Variants in DNAH2 observed in about 807,000 individuals in gnomAD.
DNAH2 encodes dynein axonemal heavy chain 2.
DNAH2 carries 323 observed loss-of-function variants against 523.5 expected under a neutral mutation model. The ratio of observed to expected loss-of-function variants is 0.62; its 90% confidence interval spans 0.56 to 0.68. The LOEUF (loss-of-function observed/expected upper bound fraction) is 0.68, where lower values mean the gene tolerates loss of function less well. Ranked by LOEUF, DNAH2 falls within the 30% of genes least tolerant of loss-of-function variation. DNAH2 has a pLI of 0.00. For missense variants in DNAH2, 4,907 were observed against 5,701.5 expected, an observed-to-expected ratio of 0.86 and a Z score of 4.49; for synonymous variants, 2,093 against 2,177.4, an observed-to-expected ratio of 0.96 and a Z score of 1.08.
rs1449776842 is a variant in DNAH2 at position 7,740,278 on chromosome 17, G to A, written c.1377-142G>A. ...CACAGCATTGTTTTGAGGATTAAATGGATTCATGTAGGTAAAGTACTTGGA... is the reference window on the plus strand; with the variant it reads ...CACAGCATTGTTTTGAGGATTAAATAGATTCATGTAGGTAAAGTACTTGGA... On this transcript the variant is annotated intron_variant, in intron 9 of 85. Coordinates refer to ENST00000572933, the MANE Select transcript of DNAH2 (RefSeq NM_020877.5). The A allele has an allele frequency of 7.8e-6, 10 of 1,274,836 alleles. No individual in the cohort carries two copies. In the Admixed American group the frequency reaches 1.1e-4, roughly 14 times the overall value. The allele number at this position is 1,274,836 out of a possible 1,614,324, so 79.0% of individuals were successfully genotyped here.
chr17:7,800,042 G>A (rs945980919), intron 56 of DNAH2, among the ~76,000 whole-genome samples: 5 of 152,090 alleles, frequency 3.3e-5, no homozygotes, highest in Non-Finnish European at 5.9e-5. Context: ...GAACCATGCC[G>A]CACTTGTCTT....
At position 7,817,589 on chromosome 17, in the gene DNAH2, C is replaced by T. The variant is rs146755316; in HGVS notation, c.10049C>T (p.Pro3350Leu). Residue 3350 changes from proline to leucine, a missense_variant, in exon 66 of 86, where the codon CCT (proline) becomes CTT (leucine). Coordinates refer to ENST00000572933, the MANE Select transcript of DNAH2 (RefSeq NM_020877.5). ...KIWELQVPCSPSFAIDNFLCN... is the reference protein window; with the variant it reads ...KIWELQVPCSLSFAIDNFLCN... Reference sequence around the variant, plus strand: ...TGGGAGCTTCAGGTTCCTTGCTCCCCTTCTTTCGCCATCGATAACTTCCTG... The same window carrying T: ...TGGGAGCTTCAGGTTCCTTGCTCCCTTTCTTTCGCCATCGATAACTTCCTG... The T allele has an allele frequency of 5.6e-6, 9 of 1,614,070 alleles. No homozygotes were observed. The African/African-American group carries it at 8.0e-5, about 14-fold the overall frequency.
intron 24 of DNAH2, among the ~76,000 whole-genome samples, chr17:7,768,469 T>A (rs1222895330): frequency 6.6e-6 from 1 of 152,242 alleles, no homozygotes; most frequent in East Asian, 1.9e-4. Flanking sequence ...GTGTACAGCA[T>A]AATGTTTTGA....
chr17:7,796,339 G>A (rs1382815548), intron 49 of DNAH2, 125 bp from the exon 50 acceptor site: 18 of 1,080,114 alleles, frequency 1.7e-5, no homozygotes, highest in East Asian at 5.4e-5. Flanking sequence ...ATGAGCCACC[G>A]TGCCCGGCCC....
At chr17:7,788,368 AG>A in intron 44 of DNAH2, 124 bp downstream of exon 44, 2 of 1,232,250 alleles carry the variant, frequency 1.6e-6, no homozygotes, top group South Asian at 1.6e-5. Context: ...CAGAGACTCC[AG>A]GGGGAGGCTT....
At chr17:7,733,613 G>T (rs2075056663) in intron 5 of DNAH2, among the ~76,000 whole-genome samples, 1 of 151,806 alleles carries the variant, frequency 6.6e-6, no homozygotes, top group South Asian at 2.1e-4. Flanking sequence ...GAGTAGCTGG[G>T]ATTACAGGCA....
intron 63 of DNAH2, among the ~76,000 whole-genome samples, chr17:7,810,067 CTTT>C (rs578080579): frequency 3.9e-5 from 5 of 127,286 alleles, no homozygotes; most frequent in Non-Finnish European, 6.7e-5. Context: ...TCTTTTTTTT[CTTT>C]TTTTTTTTTT....
rs750442162 is a variant in DNAH2, at chr17:7,804,349, A to G, written c.9066A>G (p.Gln3022=). ...FKIDETREKV[Q]VMSLELEDAK... ...TCGACGAAACTAGGGAAAAGGTGCA[A>G]GTGATGTCGTTGGAGCTGGAGGATG... The change falls in exon 59 of 86, where the codon CAA becomes CAG. Residue 3022 remains glutamine (Q), a synonymous_variant. Transcript: ENST00000572933. 6.2e-7 allele frequency: 1 copy of G among 1,614,048 alleles called. No individual in the cohort carries two copies. The highest frequency in any genetic ancestry group is 8.5e-7 in the Non-Finnish European group (1 of 1,180,048).
Position 7,798,960 on chromosome 17 carries a change from GGGTGCTGAAGTGGGAGGAT to G in DNAH2, c.8560-139_8560-121del. ...GTAGTTCCAGCTACTCGGGGGTGGG[GGGTGCTGAAGTGGGAGGAT>G]GGTTTGAGGCCAGGAGTTCAAGTCC... On this transcript the variant is annotated intron_variant, in intron 55 of 85. Transcript: ENST00000572933. This position sits in a 1 kb window ranked among gnomAD's most constrained non-coding sequence, Gnocchi z 5.5. 1 of 1,234,616 alleles carries G rather than the reference GGGTGCTGAAGTGGGAGGAT, an allele frequency of 8.1e-7. No individual in the cohort carries two copies. Among genetic ancestry groups the G allele is most frequent in the East Asian group, 2.5e-5 (1 of 39,374 alleles). 76.5% of individuals were successfully genotyped at this position (1,234,616 alleles called of 1,614,324 possible). A position where few individuals can be genotyped will look rare whatever the true frequency, so the allele number is the denominator to read the frequency against.
At chr17:7,767,816 G>T in intron 22 of DNAH2, 84 bp from the exon 23 acceptor site, 1 of 1,569,342 alleles carries the variant, frequency 6.4e-7, no homozygotes. Flanking sequence ...GCTTCACAGA[G>T]CGAGAGCAGC....
intron 58 of DNAH2, among the ~76,000 whole-genome samples, chr17:7,803,291 G>T (rs1333751925): frequency 6.6e-6 from 1 of 152,138 alleles, no homozygotes; most frequent in Non-Finnish European, 1.5e-5. Flanking sequence ...CCCCTTGTCA[G>T]GTTCAGTTAA....
chr17:7,734,104 C>A, intron 5 of DNAH2, 79 bp from the exon 6 acceptor site: 1 of 1,257,614 alleles, frequency 8.0e-7, no homozygotes, highest in Admixed American at 2.3e-5. Flanking sequence ...GGTCCCCTAC[C>A]GATCATCAAC....
chr17:7,793,525 T>C (rs1463534100), intron 48 of DNAH2, among the ~76,000 whole-genome samples: 17 of 114,222 alleles, frequency 1.5e-4, no homozygotes, highest in Admixed American at 6.2e-4. Flanking sequence ...CTTCTCTTTC[T>C]CTTTCTTTCT....
Position 7,798,025 on chromosome 17 carries a change from G to A in DNAH2, c.8231-132G>A. The A allele has an allele frequency of 7.2e-7, 1 of 1,389,558 alleles. No homozygotes were observed. Among genetic ancestry groups the A allele is most frequent in the Non-Finnish European group, 9.7e-7 (1 of 1,032,242 alleles). The allele number at this position is 1,389,558 out of a possible 1,614,324, so 86.1% of individuals were successfully genotyped here. A position where few individuals can be genotyped will look rare whatever the true frequency, so the allele number is the denominator to read the frequency against. Reference sequence around the variant, plus strand: ...AAGTTGAATTGCCTCCTGGGCCTTGGGCACCAACTTCTTCTCATACCTCTT... The same window carrying A: ...AAGTTGAATTGCCTCCTGGGCCTTGAGCACCAACTTCTTCTCATACCTCTT... On this transcript the variant is annotated intron_variant, in intron 53 of 85. Transcript: ENST00000572933. This position sits in a 1 kb window ranked among gnomAD's most constrained non-coding sequence, Gnocchi z 5.5.
intron 48 of DNAH2, among the ~76,000 whole-genome samples, chr17:7,794,051 A>G (rs1327797038): frequency 1.3e-5 from 2 of 152,228 alleles, no homozygotes; most frequent in Non-Finnish European, 2.9e-5. Flanking sequence ...GTACTAAAAT[A>G]AGTTTCCCAT....
At chr17:7,814,488 A>G (rs1349080154) in intron 63 of DNAH2, among the ~76,000 whole-genome samples, 1 of 152,244 alleles carries the variant, frequency 6.6e-6, no homozygotes, top group Non-Finnish European at 1.5e-5. Flanking sequence ...CTCCAACGAG[A>G]TTAGCATACT....
chr17:7,817,464 G>A (rs1202056764), intron 65 of DNAH2, 49 bp downstream of exon 65: 1 of 1,613,472 alleles, frequency 6.2e-7, no homozygotes, highest in East Asian at 2.2e-5. Context: ...CCAGGGCTGG[G>A]GGCAGGACCT....
Position 7,759,012 on chromosome 17 carries a change from A to G in DNAH2, c.2336A>G (p.Glu779Gly). 6.2e-7 allele frequency: 1 copy of G among 1,614,196 alleles called. No homozygotes were observed. The stretch of plus-strand genomic sequence containing the variant: ...GTATACAGGGACCTGGAATTTGAAG[A>G]GGACCAAAGAGAGCATCGGGCAGCT... ...KRVYRDLEFE[E>G]DQREHRAAVQ... is the part of the protein sequence containing the mutation. Residue 779 changes from glutamate (E) to glycine (G), a missense_variant, in exon 15 of 86, where the codon GAG (glutamate) becomes GGG (glycine). Around this residue, in one of 3 missense-constraint regions of DNAH2, gnomAD observed 2,806 missense variants for 3,190.8 expected, o/e 0.88. Transcript: ENST00000572933.
chr17:7,817,189 T>C, intron 64 of DNAH2, 101 bp from the exon 65 acceptor site: 1 of 1,465,440 alleles, frequency 6.8e-7, no homozygotes, highest in South Asian at 1.4e-5. Flanking sequence ...AGATCCTCTT[T>C]GAACCTGACA....
Sources: allele counts gnomAD v4.1 joint callset (sites outside exome capture counted in the v4.1 genomes callset), GRCh38; gene constraint gnomAD v4.1.1; regional missense constraint gnomAD v4.1.1; non-coding constraint Gnocchi (gnomAD v3.1); transcripts MANE v1.5; gene names NCBI Gene and HGNC (gene_info 2026-07-23, HGNC 2026-07-21).